KCNAB1: variants seen among roughly 807,000 people sequenced by gnomAD.
KCNAB1 encodes potassium voltage-gated channel subfamily A regulatory beta subunit 1.
A neutral mutation model predicts 64.6 loss-of-function variants in KCNAB1; 35 were observed. The observed-to-expected ratio is 0.54, with a 90% CI of 0.41 to 0.72. The LOEUF (loss-of-function observed/expected upper bound fraction) is 0.72. Among genes scored for constraint, KCNAB1 ranks in the 30% least tolerant of loss-of-function variants. KCNAB1 has a pLI of 0.00. For synonymous variants in KCNAB1, 177 were observed against 183.8 expected (o/e 0.96, Z 0.30); for missense variants, 401 against 512.9 (o/e 0.78, Z 2.11).
At chr3:156,121,234 A>G (rs1713327331) in intron 1 of KCNAB1, among the ~76,000 whole-genome samples, 2 of 152,194 alleles carry the variant, frequency 1.3e-5, no homozygotes, top group South Asian at 2.1e-4. Flanking sequence ...AGAGTTTGCA[A>G]TCTTTCAGCA....
At chr3:156,137,552 CTT>C (rs1249409467) in intron 1 of KCNAB1, among the ~76,000 whole-genome samples, 31 of 142,202 alleles carry the variant, frequency 2.2e-4, no homozygotes, top group Admixed American at 2.1e-4. Flanking sequence ...CAAACTTCCT[CTT>C]TTTTTTTTTT....
At chr3:156,195,680 G>T (rs1160657244) in intron 1 of KCNAB1, among the ~76,000 whole-genome samples, 1 of 152,164 alleles carries the variant, frequency 6.6e-6, no homozygotes, top group Non-Finnish European at 1.5e-5. Flanking sequence ...GTAGATTCTG[G>T]ATATTAGCCT....
chr3:156,361,456 G>A (rs1333120861), intron 1 of KCNAB1, among the ~76,000 whole-genome samples: 1 of 151,924 alleles, frequency 6.6e-6, no homozygotes, highest in Admixed American at 6.6e-5. Flanking sequence ...CCCTTGATAT[G>A]TGTGTGTATA....
At chr3:156,292,526 T>C (rs1040669668) in intron 1 of KCNAB1, among the ~76,000 whole-genome samples, 3 of 152,150 alleles carry the variant, frequency 2.0e-5, no homozygotes, top group Non-Finnish European at 4.4e-5. Flanking sequence ...CTAGTACTGC[T>C]CTCTTATTTA....
At chr3:156,179,771 G>C (rs1712678878) in intron 1 of KCNAB1, among the ~76,000 whole-genome samples, 1 of 152,138 alleles carries the variant, frequency 6.6e-6, no homozygotes, top group Admixed American at 6.5e-5. Flanking sequence ...AGATTGAATT[G>C]CTTCAAATAC....
intron 1 of KCNAB1, among the ~76,000 whole-genome samples, chr3:156,341,240 C>A (rs1182430424): frequency 1.3e-5 from 2 of 152,116 alleles, no homozygotes; most frequent in African/African-American, 4.8e-5. Flanking sequence ...TAATTCGTAG[C>A]ATCAAATGCT....
At position 156,356,025 on chromosome 3, in the gene KCNAB1, G is replaced by A. The variant is rs138980486; in HGVS notation, c.276-65591G>A. Reference sequence around the variant, plus strand: ...TAGTCCCAGCTACTTGGGAGGCTGAGGTGGGAGGATTTCTATAGCCTGGGA... The same window carrying A: ...TAGTCCCAGCTACTTGGGAGGCTGAAGTGGGAGGATTTCTATAGCCTGGGA... On this transcript the variant is annotated intron_variant, in intron 1 of 13. Transcript: ENST00000490337. Among the ~76,000 whole-genome samples, 1,461 of 151,720 alleles carry A rather than the reference G, an allele frequency of 9.6e-3. 20 individuals carry two copies. The highest frequency in any genetic ancestry group is 0.033 in the African/African-American group (1,365 of 41,326).
chr3:156,272,158 C>T (rs866784909), intron 1 of KCNAB1, among the ~76,000 whole-genome samples: 3 of 152,236 alleles, frequency 2.0e-5, no homozygotes, highest in African/African-American at 7.2e-5. Context: ...TGACTTGGAG[C>T]CAGCACAGCA....
At chr3:156,168,829 G>A (rs1711773449) in intron 1 of KCNAB1, among the ~76,000 whole-genome samples, 1 of 152,152 alleles carries the variant, frequency 6.6e-6, no homozygotes, top group African/African-American at 2.4e-5. Context: ...AAAAATGGAA[G>A]GCAGATAAAC....
chr3:156,239,033 A>G (rs1027538606), intron 1 of KCNAB1, among the ~76,000 whole-genome samples: 3 of 152,232 alleles, frequency 2.0e-5, no homozygotes, highest in Non-Finnish European at 4.4e-5. Context: ...AGATAAGACA[A>G]TTGAGAAACA....
chr3:156,429,546 C>A (rs944384123), intron 2 of KCNAB1, among the ~76,000 whole-genome samples: 11 of 152,346 alleles, frequency 7.2e-5, no homozygotes, highest in African/African-American at 2.6e-4. Flanking sequence ...TTAATGCATT[C>A]ATATGTGCAG....
intron 1 of KCNAB1, among the ~76,000 whole-genome samples, chr3:156,301,122 A>G (rs1721127844): frequency 6.6e-6 from 1 of 152,196 alleles, no homozygotes; most frequent in Non-Finnish European, 1.5e-5. Flanking sequence ...GCTCTTATGT[A>G]AGAAATGCAA....
chr3:156,339,386 A>G (rs916518978), intron 1 of KCNAB1, among the ~76,000 whole-genome samples: 3 of 152,092 alleles, frequency 2.0e-5, no homozygotes, highest in Non-Finnish European at 4.4e-5. Flanking sequence ...ACCCAAATTT[A>G]AGTGCCTACT....
chr3:156,143,335 G>T, intron 1 of KCNAB1: 6 of 1,612,162 alleles, frequency 3.7e-6, no homozygotes, highest in Non-Finnish European at 5.1e-6. Context: ...TGGAGCAGCC[G>T]AACAGAAATA....
intron 1 of KCNAB1, among the ~76,000 whole-genome samples, chr3:156,211,941 C>T (rs975288029): frequency 2.0e-5 from 3 of 152,088 alleles, no homozygotes; most frequent in South Asian, 2.1e-4. Flanking sequence ...AAGTCAAAAC[C>T]GGAAGGGAAA....
chr3:156,129,905 T>C (rs77627532), intron 1 of KCNAB1, among the ~76,000 whole-genome samples: 3,078 of 152,304 alleles, frequency 0.02, 63 homozygotes, highest in Non-Finnish European at 0.03. Flanking sequence ...CATACCCTGA[T>C]TTAAAATCTT....
chr3:156,133,682 G>A (rs1261876546), intron 1 of KCNAB1, among the ~76,000 whole-genome samples: 1 of 152,152 alleles, frequency 6.6e-6, no homozygotes, highest in African/African-American at 2.4e-5. Context: ...AAGTGTGAAG[G>A]AAATGCTATA....
At chr3:156,171,257 C>T (rs1171684047) in intron 1 of KCNAB1, among the ~76,000 whole-genome samples, 1 of 149,702 alleles carries the variant, frequency 6.7e-6, no homozygotes, top group Non-Finnish European at 1.5e-5. Flanking sequence ...ATCATTTTAA[C>T]CTGTGTCACC....
chr3:156,461,364 TG>T (rs1712897269), intron 5 of KCNAB1, among the ~76,000 whole-genome samples: 1 of 152,250 alleles, frequency 6.6e-6, no homozygotes, highest in African/African-American at 2.4e-5. Flanking sequence ...CCAGCCATCC[TG>T]GGCATTCCTT....
Sources: gnomAD v4.1 joint callset for allele counts (sites outside exome capture counted in the v4.1 genomes callset) on GRCh38, gnomAD v4.1.1 for gene constraint, MANE v1.5 for transcripts, NCBI Gene and HGNC (gene_info 2026-07-23, HGNC 2026-07-21) for gene names.